The following ARK2C variants were observed in gnomAD, a reference collection of about 807,000 sequenced individuals.
ARK2C encodes E3 ubiquitin-protein ligase ARK2C.
chr18:46,420,800 G>T, the ARK2C span, among the ~76,000 whole-genome samples: 4 of 151,514 alleles, frequency 2.6e-5, no homozygotes. Flanking sequence ...AGCCTAGATC[G>T]CATCATTGTA....
chr18:46,431,370 T>A, the ARK2C span, among the ~76,000 whole-genome samples: 1 of 152,122 alleles, frequency 6.6e-6, no homozygotes, highest in Non-Finnish European at 1.5e-5. Context: ...AGGGTGAGAA[T>A]GGACTTTTCA....
chr18:46,390,761 G>T, the ARK2C span, among the ~76,000 whole-genome samples: 85 of 152,120 alleles, frequency 5.6e-4, no homozygotes, highest in African/African-American at 2.0e-3. Flanking sequence ...CTGGGCTCAG[G>T]TTCCAGTTGC....
the ARK2C span, among the ~76,000 whole-genome samples, chr18:46,390,476 C>T: frequency 2.6e-5 from 4 of 152,164 alleles, no homozygotes; most frequent in East Asian, 1.9e-4. Context: ...TCTATGTCTT[C>T]GGGTAGTGTG....
the ARK2C span, among the ~76,000 whole-genome samples, chr18:46,438,582 T>C: frequency 6.6e-6 from 1 of 152,238 alleles, no homozygotes; most frequent in Non-Finnish European, 1.5e-5. Context: ...GATTCTGCCA[T>C]GTGAGGCAGT....
the ARK2C span, among the ~76,000 whole-genome samples, chr18:46,376,025 G>C: frequency 1.3e-5 from 2 of 152,236 alleles, no homozygotes; most frequent in African/African-American, 4.8e-5. Flanking sequence ...GGTGAGATGA[G>C]GCAGTGAGTG....
At chr18:46,355,372 G>A in the ARK2C span, among the ~76,000 whole-genome samples, 84 of 152,232 alleles carry the variant, frequency 5.5e-4, no homozygotes, top group African/African-American at 1.9e-3. Flanking sequence ...CTCTCTCAGG[G>A]CCTCGGGCTC....
chr18:46,398,711 C>T, the ARK2C span, among the ~76,000 whole-genome samples: 1 of 151,926 alleles, frequency 6.6e-6, no homozygotes, highest in Non-Finnish European at 1.5e-5. Flanking sequence ...TCTGTAAGAC[C>T]AGTGCCCTTA....
At chr18:46,352,041 C>A in the ARK2C span, among the ~76,000 whole-genome samples, 1 of 152,178 alleles carries the variant, frequency 6.6e-6, no homozygotes, top group Non-Finnish European at 1.5e-5. Flanking sequence ...GGTGGCCTGG[C>A]AGACCCTGTC....
the ARK2C span, among the ~76,000 whole-genome samples, chr18:46,389,781 T>G: frequency 6.6e-6 from 1 of 152,046 alleles, no homozygotes; most frequent in Non-Finnish European, 1.5e-5. Context: ...CAGGCTGCAG[T>G]GCAGTGGTGC....
the ARK2C span, chr18:46,460,005 G>C: frequency 6.5e-6 from 1 of 152,708 alleles, no homozygotes; most frequent in East Asian, 1.9e-4. Flanking sequence ...AAGCTTGGTT[G>C]GGTGCAAGCA....
At chr18:46,357,703 G>A in the ARK2C span, among the ~76,000 whole-genome samples, 1 of 152,330 alleles carries the variant, frequency 6.6e-6, no homozygotes, top group East Asian at 1.9e-4. Flanking sequence ...CCTCCAGTTA[G>A]GGAGGCAGGA....
the ARK2C span, among the ~76,000 whole-genome samples, chr18:46,370,166 T>C: frequency 4.6e-5 from 7 of 152,190 alleles, no homozygotes; most frequent in African/African-American, 1.7e-4. Flanking sequence ...AAGGAAGATA[T>C]AGAATAGTAA....
the ARK2C span, chr18:46,450,262 C>A: frequency 7.1e-7 from 1 of 1,408,994 alleles, no homozygotes; most frequent in Non-Finnish European, 1.0e-6. Context: ...AACCTTGAAT[C>A]CTTGCTCTAT....
chr18:46,363,619 G>A, the ARK2C span, among the ~76,000 whole-genome samples: 1 of 152,208 alleles, frequency 6.6e-6, no homozygotes, highest in South Asian at 2.1e-4. Flanking sequence ...GGGCCCAGGG[G>A]AGGGGACATG....
chr18:46,380,083 T>A, the ARK2C span, among the ~76,000 whole-genome samples: 1 of 152,256 alleles, frequency 6.6e-6, no homozygotes, highest in Admixed American at 6.5e-5. Context: ...TTAAACTTTT[T>A]AGAAACTGCC....
chr18:46,445,148 T>A, the ARK2C span, among the ~76,000 whole-genome samples: 3 of 152,210 alleles, frequency 2.0e-5, no homozygotes, highest in African/African-American at 7.2e-5. Flanking sequence ...TTATACACTG[T>A]TAAGTAGTTA....
chr18:46,377,646 A>T, the ARK2C span, among the ~76,000 whole-genome samples: 1 of 152,152 alleles, frequency 6.6e-6, no homozygotes, highest in Non-Finnish European at 1.5e-5. Context: ...AGGCTCTATG[A>T]ACCAAATGTA....
At chr18:46,393,392 G>C in the ARK2C span, among the ~76,000 whole-genome samples, 1 of 152,202 alleles carries the variant, frequency 6.6e-6, no homozygotes, top group Admixed American at 6.5e-5. Context: ...CTGACCACCA[G>C]CTCTCTGTGG....
At chr18:46,380,386 A>G in the ARK2C span, among the ~76,000 whole-genome samples, 1 of 152,214 alleles carries the variant, frequency 6.6e-6, no homozygotes, top group Non-Finnish European at 1.5e-5. Context: ...GGCCCAGAGG[A>G]ACTTGCTTAA....
Sources: gnomAD v4.1 joint callset for allele counts (sites outside exome capture counted in the v4.1 genomes callset) on GRCh38, gnomAD v4.1.1 for gene constraint, MANE v1.5 for transcripts, NCBI Gene and HGNC (gene_info 2026-07-23, HGNC 2026-07-21) for gene names.